The following SLC41A2 variants were observed in gnomAD, a reference collection of about 807,000 sequenced individuals.
The protein encoded by SLC41A2 is SLC41A1-like 1.
In SLC41A2, 32 loss-of-function variants were observed where a neutral mutation model predicts 58.3. The observed-to-expected ratio is 0.55, with a 90% CI of 0.41 to 0.74. SLC41A2 has a LOEUF of 0.74. SLC41A2 is among the 30% of genes least tolerant of loss of function. SLC41A2 has a pLI of 0.00. For synonymous variants in SLC41A2, 190 were observed against 235.0 expected, an observed-to-expected ratio of 0.81 and a Z score of 1.75; for missense variants, 514 against 680.6, an observed-to-expected ratio of 0.76 and a Z score of 2.72.
intron 2 of SLC41A2, among the ~76,000 whole-genome samples, chr12:104,919,003 C>A (rs1241268167): frequency 1.3e-5 from 2 of 152,176 alleles, no homozygotes; most frequent in South Asian, 4.1e-4. Context: ...CCATTTCTCT[C>A]CACTACTAAT....
At chr12:104,868,556 A>G (rs1370434593) in intron 6 of SLC41A2, among the ~76,000 whole-genome samples, 1 of 152,196 alleles carries the variant, frequency 6.6e-6, no homozygotes, top group Non-Finnish European at 1.5e-5. Flanking sequence ...AAAGTTAAAC[A>G]GAGTTTAACT....
intron 10 of SLC41A2, among the ~76,000 whole-genome samples, chr12:104,812,331 T>G (rs2041209964): frequency 6.6e-6 from 1 of 152,202 alleles, no homozygotes; most frequent in Non-Finnish European, 1.5e-5. Context: ...GTTAGAACAG[T>G]GTTTGGCACA....
intron 5 of SLC41A2, 112 bp from the exon 6 acceptor site, chr12:104,886,551 CT>C: frequency 9.2e-7 from 1 of 1,090,422 alleles, no homozygotes; most frequent in South Asian, 1.7e-5. Flanking sequence ...AGTTAGACTG[CT>C]TAGATAAGCT....
chr12:104,836,517 AT>A (rs2136299091), intron 10 of SLC41A2, among the ~76,000 whole-genome samples: 1 of 152,348 alleles, frequency 6.6e-6, no homozygotes, highest in Non-Finnish European at 1.5e-5. Context: ...AAGCAGTACC[AT>A]TTTCCTCTGA....
In SLC41A2 at chr12:104,803,892, G is replaced by C. The variant is rs1341114353; in HGVS notation, c.*1260C>G. 6.6e-6 allele frequency: 1 copy of C among 151,980 alleles called. No individual in the cohort carries two copies. Among genetic ancestry groups the C allele is most frequent in the African/African-American group, 2.4e-5 (1 of 41,384 alleles). The allele number at this position is 151,980 out of a possible 1,614,324, so 9.4% of individuals were successfully genotyped here. ...AACGGGCTTCTTTAAAAGAGCAAATGAATCACTTGCTCATTTTAAATCTCC... is the reference window on the plus strand; with the variant it reads ...AACGGGCTTCTTTAAAAGAGCAAATCAATCACTTGCTCATTTTAAATCTCC... On this transcript the variant is annotated 3_prime_UTR_variant, in exon 11 of 11. Coordinates refer to ENST00000258538, the MANE Select transcript of SLC41A2 (RefSeq NM_001352171.3).
intron 2 of SLC41A2, among the ~76,000 whole-genome samples, chr12:104,918,001 A>T (rs1252851600): frequency 1.4e-5 from 2 of 146,894 alleles, no homozygotes; most frequent in Non-Finnish European, 3.0e-5. Context: ...TATATATAAA[A>T]TATATATATA....
chr12:104,940,735 G>A (rs150667378), intron 1 of SLC41A2, among the ~76,000 whole-genome samples: 2,867 of 151,454 alleles, frequency 0.019, 32 homozygotes, highest in African/African-American at 0.036. Context: ...CTGGCCAATA[G>A]GGTGAAACCC....
intron 6 of SLC41A2, among the ~76,000 whole-genome samples, chr12:104,869,889 A>C (rs1376945946): frequency 6.6e-6 from 1 of 152,246 alleles, no homozygotes; most frequent in Non-Finnish European, 1.5e-5. Flanking sequence ...AAGGCCAACT[A>C]TGAACTTCCA....
In SLC41A2 at chr12:104,895,345, C is replaced by G. The variant is rs1168136992; in HGVS notation, c.664G>C (p.Val222Leu). 1 of 1,610,024 alleles carries G rather than the reference C, an allele frequency of 6.2e-7. No individual in the cohort carries two copies. The highest frequency in any genetic ancestry group is 8.5e-7 in the Non-Finnish European group (1 of 1,176,848). ...MTLASRLSTA[V>L]NIGKMDSPIE... ...GGTGAATCCATCTTCCCAATATTTACCTGTTAAAGTGGATATTTTCATGTA... is the reference window on the plus strand; with the variant it reads ...GGTGAATCCATCTTCCCAATATTTAGCTGTTAAAGTGGATATTTTCATGTA... Residue 222 changes from valine (V) to leucine (L), a missense_variant and splice_region_variant, in exon 4 of 11, where the codon GTA (valine) becomes CTA (leucine). By Grantham distance (32) the Val-to-Leu change is conservative. Coordinates refer to ENST00000258538, the MANE Select transcript of SLC41A2 (RefSeq NM_001352171.3).
At chr12:104,827,642 G>A (rs1378901200) in intron 10 of SLC41A2, among the ~76,000 whole-genome samples, 1 of 151,830 alleles carries the variant, frequency 6.6e-6, no homozygotes, top group Admixed American at 6.6e-5. Flanking sequence ...TATAAAACTT[G>A]TTTTTTTTCT....
chr12:104,941,910 A>T (rs764231954), intron 1 of SLC41A2, among the ~76,000 whole-genome samples: 10 of 152,248 alleles, frequency 6.6e-5, no homozygotes, highest in Admixed American at 6.5e-5. Flanking sequence ...TAATTCAGTC[A>T]TTTAATTTGG....
intron 10 of SLC41A2, among the ~76,000 whole-genome samples, chr12:104,807,329 T>G (rs2040958351): frequency 6.6e-6 from 1 of 152,234 alleles, no homozygotes; most frequent in Admixed American, 6.5e-5. Flanking sequence ...GGGAATCCTT[T>G]CCCCATTTCT....
intron 2 of SLC41A2, among the ~76,000 whole-genome samples, chr12:104,923,254 C>G (rs77207197): frequency 5.6e-4 from 78 of 138,772 alleles, no homozygotes; most frequent in Non-Finnish European, 6.5e-4. Flanking sequence ...CCCAGCTACT[C>G]AGGAGGCTGA....
intron 10 of SLC41A2, among the ~76,000 whole-genome samples, chr12:104,822,431 G>C (rs1174597102): frequency 4.6e-5 from 7 of 152,124 alleles, no homozygotes; most frequent in African/African-American, 1.7e-4. Context: ...TGTTTATTGA[G>C]TGTCTTTCCA....
At position 104,948,481 on chromosome 12, in the gene SLC41A2, T is replaced by C. The variant is rs374634230; in HGVS notation, c.-168+9607A>G. Among the ~76,000 whole-genome samples, 27 of 152,328 alleles carry C rather than the reference T, an allele frequency of 1.8e-4. 1 individual carries two copies. The highest frequency in any genetic ancestry group is 6.5e-4 in the African/African-American group (27 of 41,572). ...GCAAAAAGAATTGCTTTCTCTTATA[T>C]ATACTGACCTCATTTTATCTTTTGT... On this transcript the variant is annotated intron_variant, in intron 1 of 10. Transcript: ENST00000258538.
At position 104,845,832 on chromosome 12, in the gene SLC41A2, T is replaced by A; in HGVS notation, c.1387+11A>T. On this transcript the variant is annotated intron_variant, in intron 9 of 10. Coordinates refer to ENST00000258538, the MANE Select transcript of SLC41A2 (RefSeq NM_001352171.3). The stretch of plus-strand genomic sequence containing the variant: ...TTGATCTAAAATATGCAAAAATCCA[T>A]AAGCACATACCTGGACCAAAGAAAG... The A allele has an allele frequency of 1.9e-6, 3 of 1,597,126 alleles. No homozygotes were observed. The East Asian group carries it at 6.7e-5, about 36-fold the overall frequency.
chr12:104,861,262 T>G (rs2043202328), intron 8 of SLC41A2, 29 bp downstream of exon 8: 2 of 1,502,800 alleles, frequency 1.3e-6, no homozygotes, highest in African/African-American at 1.4e-5. Flanking sequence ...GATTTGATAT[T>G]ATCATGAAAC....
intron 2 of SLC41A2, among the ~76,000 whole-genome samples, chr12:104,921,986 T>C (rs551822498): frequency 8.5e-5 from 13 of 152,206 alleles, no homozygotes; most frequent in African/African-American, 3.1e-4. Context: ...AGATTTTTTT[T>C]TAAGCCTTAT....
intron 10 of SLC41A2, among the ~76,000 whole-genome samples, chr12:104,812,888 A>C (rs1566094855): frequency 6.6e-6 from 1 of 152,108 alleles, no homozygotes. Context: ...TAAGAAATTT[A>C]AAAATTCAGG....
Sources: allele counts gnomAD v4.1 joint callset (sites outside exome capture counted in the v4.1 genomes callset), GRCh38; gene constraint gnomAD v4.1.1; transcripts MANE v1.5; gene names NCBI Gene and HGNC (gene_info 2026-07-23, HGNC 2026-07-21).